The following MORC1 variants were observed in gnomAD, a reference collection of about 807,000 sequenced individuals.
The protein encoded by MORC1 is MORC family CW-type zinc finger protein 1.
MORC1 carries 59 observed loss-of-function variants against 134.9 expected under a neutral mutation model. The observed-to-expected ratio is 0.44, with a 90% CI of 0.35 to 0.54. The LOEUF is 0.54. Ranked by LOEUF, MORC1 falls within the 20% of genes least tolerant of loss-of-function variation. The pLI is 0.00. For synonymous variants in MORC1, 395 were observed against 391.7 expected (o/e 1.01, Z -0.10); for missense variants, 947 against 1,134.5 (o/e 0.83, Z 2.37).
chr3:109,020,692 G>A (rs1217603169), intron 17 of MORC1, among the ~76,000 whole-genome samples: 1 of 150,016 alleles, frequency 6.7e-6, no homozygotes, highest in East Asian at 1.9e-4. Flanking sequence ...TGTGAACCCG[G>A]GGGCAGAGCT....
chr3:109,077,595 G>C (rs1950446712), intron 8 of MORC1, among the ~76,000 whole-genome samples: 2 of 150,922 alleles, frequency 1.3e-5, no homozygotes, highest in Non-Finnish European at 3.0e-5. Flanking sequence ...CAAATCATTA[G>C]AATAGAAAAA....
At chr3:109,016,776 A>G (rs987694626) in intron 17 of MORC1, among the ~76,000 whole-genome samples, 8 of 152,198 alleles carry the variant, frequency 5.3e-5, no homozygotes, top group Non-Finnish European at 1.2e-4. Context: ...AGGCAGGAGA[A>G]TCGCTTAAAT....
intron 13 of MORC1, among the ~76,000 whole-genome samples, 163 bp from the exon 14 acceptor site, chr3:109,055,045 T>C (rs181590515): frequency 5.8e-4 from 88 of 152,248 alleles, no homozygotes; most frequent in Middle Eastern, 6.8e-3. Context: ...TTATCATAAG[T>C]CTGTGGTGAT....
chr3:108,966,570 G>A (rs2715752), intron 26 of MORC1, among the ~76,000 whole-genome samples: 18,547 of 152,178 alleles, frequency 0.12, 1,211 homozygotes, highest in Non-Finnish European at 0.15. Flanking sequence ...TCTAACTGAG[G>A]AGAAAGTGAA....
chr3:108,963,062 C>A (rs546548236), intron 27 of MORC1, among the ~76,000 whole-genome samples: 69 of 152,114 alleles, frequency 4.5e-4, no homozygotes, highest in Middle Eastern at 6.8e-3. Context: ...AGAATGTGTG[C>A]CTGTAGTTCC....
At chr3:108,997,031 A>G (rs1478057434) in intron 21 of MORC1, among the ~76,000 whole-genome samples, 1 of 150,008 alleles carries the variant, frequency 6.7e-6, no homozygotes, top group African/African-American at 2.5e-5. Context: ...AAAAAAAAAA[A>G]AAAAATGCTG....
intron 22 of MORC1, among the ~76,000 whole-genome samples, chr3:108,985,526 G>C (rs1442746670): frequency 6.6e-6 from 1 of 152,142 alleles, no homozygotes; most frequent in Non-Finnish European, 1.5e-5. Context: ...TAGATGGTGG[G>C]TAAATGGCTG....
chr3:109,035,866 T>C (rs938335112), intron 14 of MORC1, among the ~76,000 whole-genome samples: 2 of 152,232 alleles, frequency 1.3e-5, no homozygotes, highest in African/African-American at 4.8e-5. Context: ...GAAATATTTA[T>C]CTTTCTTATC....
At chr3:108,960,204 T>G (rs766764698) in intron 27 of MORC1, among the ~76,000 whole-genome samples, 1 of 152,210 alleles carries the variant, frequency 6.6e-6, no homozygotes, top group Non-Finnish European at 1.5e-5. Flanking sequence ...TGGATGATGC[T>G]TAATAGCAGA....
At chr3:109,045,861 A>G (rs758368626) in intron 14 of MORC1, among the ~76,000 whole-genome samples, 7 of 151,992 alleles carry the variant, frequency 4.6e-5, no homozygotes, top group South Asian at 4.2e-4. Flanking sequence ...AGCTGGCCCA[A>G]TTCACTCCAA....
At chr3:109,095,715 C>A (rs1225146757) in intron 6 of MORC1, among the ~76,000 whole-genome samples, 3 of 152,104 alleles carry the variant, frequency 2.0e-5, no homozygotes, top group African/African-American at 7.2e-5. Flanking sequence ...GATCTCGTTC[C>A]CATTTGTCTC....
chr3:108,981,651 T>C lies in MORC1; in HGVS notation c.2325-1984A>G, dbSNP rs553333659. On this transcript the variant is annotated intron_variant, in intron 23 of 27. Transcript: ENST00000232603. ...TTGAATAATAATAGGGCCTACCTTA[T>C]AGAGTTGTACTGAGGATATACAAAG... 4.6e-5 allele frequency among the ~76,000 whole-genome samples: 7 copies of C among 152,312 alleles called. No individual in the cohort carries two copies. In the East Asian group the frequency reaches 5.8e-4, roughly 13 times the overall value.
chr3:109,102,600 T>C (rs1285159988), intron 4 of MORC1, among the ~76,000 whole-genome samples: 2 of 152,200 alleles, frequency 1.3e-5, no homozygotes, highest in Admixed American at 6.5e-5. Flanking sequence ...TTATTACTAG[T>C]TGATGCTACT....
intron 17 of MORC1, among the ~76,000 whole-genome samples, chr3:109,009,346 C>T (rs1948628956): frequency 6.6e-6 from 1 of 151,964 alleles, no homozygotes; most frequent in South Asian, 2.1e-4. Context: ...GCTGGGACTA[C>T]AGGCGCATGC....
At chr3:109,031,093 A>G (rs1949231341) in intron 16 of MORC1, among the ~76,000 whole-genome samples, 1 of 152,168 alleles carries the variant, frequency 6.6e-6, no homozygotes, top group Admixed American at 6.5e-5. Flanking sequence ...GTCTGTGCCA[A>G]TGCAGGGACA....
chr3:108,979,202 G>C (rs1947644429), intron 24 of MORC1, among the ~76,000 whole-genome samples: 1 of 152,050 alleles, frequency 6.6e-6, no homozygotes, highest in African/African-American at 2.4e-5. Context: ...TTTTTAAAAG[G>C]CCATACAATG....
rs1947152299 is a variant in MORC1, at chr3:108,964,028, G to A, written c.2605-420C>T. Among the ~76,000 whole-genome samples, 6 of 152,342 alleles carry A rather than the reference G, an allele frequency of 3.9e-5. No individual in the cohort carries two copies. In the South Asian group the frequency reaches 1.0e-3, roughly 26 times the overall value. On this transcript the variant is annotated intron_variant, in intron 26 of 27. Transcript: ENST00000232603. Reference sequence around the variant, plus strand: ...ATGACAGAATGGCCCACCACTTGGGGCTGTCTGGCAGATGATGTAGTGTTA... The same window carrying A: ...ATGACAGAATGGCCCACCACTTGGGACTGTCTGGCAGATGATGTAGTGTTA...
Position 108,958,839 on chromosome 3 carries a change from T to A in MORC1, c.*126A>T. The A allele has an allele frequency of 1.7e-6, 1 of 583,728 alleles. No individual in the cohort carries two copies. The highest frequency in any genetic ancestry group is 2.7e-6 in the Non-Finnish European group (1 of 373,012). The allele number at this position is 583,728 out of a possible 1,614,324, so 36.2% of individuals were successfully genotyped here. ...ACACAATTTTCTTATTTGAAAAAAATTATTTCTTATTTCTTATTGTTAAAC... is the reference window on the plus strand; with the variant it reads ...ACACAATTTTCTTATTTGAAAAAAAATATTTCTTATTTCTTATTGTTAAAC... On this transcript the variant is annotated 3_prime_UTR_variant, in exon 28 of 28. Coordinates refer to ENST00000232603, the MANE Select transcript of MORC1 (RefSeq NM_014429.4).
At chr3:109,054,096 A>T (rs1340608712) in intron 14 of MORC1, among the ~76,000 whole-genome samples, 1 of 152,074 alleles carries the variant, frequency 6.6e-6, no homozygotes, top group East Asian at 1.9e-4. Flanking sequence ...AGCCTGGCCA[A>T]GATGGTAAAA....
Sources: allele counts gnomAD v4.1 joint callset (sites outside exome capture counted in the v4.1 genomes callset), GRCh38; gene constraint gnomAD v4.1.1; transcripts MANE v1.5; gene names NCBI Gene and HGNC (gene_info 2026-07-23, HGNC 2026-07-21).